STX8: variants seen among roughly 807,000 people sequenced by gnomAD.
STX8 encodes syntaxin-8.
A neutral mutation model predicts 37.5 loss-of-function variants in STX8; 23 were observed. The ratio of observed to expected loss-of-function variants is 0.61; its 90% CI spans 0.44 to 0.87. STX8 has a LOEUF of 0.87. Ranked by LOEUF, STX8 falls within the 40% of genes least tolerant of loss-of-function variation. STX8 has a pLI of 0.00. For synonymous variants in STX8, 115 were observed against 99.1 expected (o/e 1.16, Z -0.95); for missense variants, 313 against 284.7 (o/e 1.10, Z -0.71).
intron 7 of STX8, among the ~76,000 whole-genome samples, chr17:9,343,499 T>C (rs1035560817): frequency 6.6e-6 from 1 of 152,220 alleles, no homozygotes; most frequent in African/African-American, 2.4e-5. Flanking sequence ...ATGTGAAAGA[T>C]GCCAAAATAA....
chr17:9,522,653 A>T (rs536233342), intron 4 of STX8, among the ~76,000 whole-genome samples: 42 of 151,890 alleles, frequency 2.8e-4, no homozygotes, highest in Middle Eastern at 6.8e-3. Flanking sequence ...CGGAGCTTGC[A>T]GTGAGCCGAG....
chr17:9,400,795 G>A (rs1309065030), intron 6 of STX8, among the ~76,000 whole-genome samples: 1 of 152,208 alleles, frequency 6.6e-6, no homozygotes. Flanking sequence ...TTGCTCTGTT[G>A]TATCTTGTTG....
intron 6 of STX8, among the ~76,000 whole-genome samples, chr17:9,466,855 G>A (rs1438438974): frequency 2.6e-5 from 4 of 152,086 alleles, no homozygotes; most frequent in African/African-American, 4.8e-5. Context: ...CTTACTGAGC[G>A]TTTACTATAC....
At chr17:9,410,085 G>A (rs150323395) in intron 6 of STX8, among the ~76,000 whole-genome samples, 3 of 152,312 alleles carry the variant, frequency 2.0e-5, no homozygotes, top group African/African-American at 4.8e-5. Flanking sequence ...AGACAAATGC[G>A]ATGGCTGTAC....
At chr17:9,285,518 G>A (rs549160904) in intron 7 of STX8, among the ~76,000 whole-genome samples, 19 of 152,186 alleles carry the variant, frequency 1.2e-4, no homozygotes, top group Admixed American at 1.0e-3. Context: ...TGACCTAGAT[G>A]GGCCTTTTCT....
intron 7 of STX8, among the ~76,000 whole-genome samples, chr17:9,269,509 C>G (rs1274533270): frequency 2.0e-5 from 3 of 152,170 alleles, no homozygotes; most frequent in Admixed American, 6.5e-5. Flanking sequence ...ATGTCTGCTG[C>G]TAGTGCAAAT....
At chr17:9,325,456 C>A (rs1909722471) in intron 7 of STX8, among the ~76,000 whole-genome samples, 2 of 152,106 alleles carry the variant, frequency 1.3e-5, no homozygotes, top group South Asian at 4.1e-4. Context: ...AAAGCTAGGG[C>A]CAGCTTTATG....
At position 9,336,538 on chromosome 17, in the gene STX8, C is replaced by T. The variant is rs545588568; in HGVS notation, c.643+42014G>A. Among the ~76,000 whole-genome samples, 335 of 152,128 alleles carry T rather than the reference C, an allele frequency of 2.2e-3. 1 individual carries two copies. The highest frequency in any genetic ancestry group is 7.6e-3 in the African/African-American group (314 of 41,528). On this transcript the variant is annotated intron_variant, in intron 7 of 7. Coordinates refer to ENST00000306357, the MANE Select transcript of STX8 (RefSeq NM_004853.3). ...GCAACCTCCGCTTCCCAGGTTAAAG[C>T]AATTCTCCTGCCTCAGCCTCCCGAG...
intron 3 of STX8, among the ~76,000 whole-genome samples, chr17:9,546,590 G>GGTT (rs1906528045): frequency 3.2e-5 from 2 of 62,244 alleles, no homozygotes; most frequent in Admixed American, 4.8e-4. Flanking sequence ...CTACAAAAGT[G>GGTT]GTTTTTTTTT....
intron 6 of STX8, chr17:9,469,314 T>C (rs1905746501): frequency 6.6e-6 from 1 of 152,026 alleles, no homozygotes; most frequent in African/African-American, 2.4e-5. Flanking sequence ...CAAATCTAAG[T>C]CTAAGTTCAT....
chr17:9,518,868 CAA>C (rs58589067), intron 4 of STX8, among the ~76,000 whole-genome samples: 18 of 99,912 alleles, frequency 1.8e-4, no homozygotes, highest in Admixed American at 4.4e-4. Flanking sequence ...GACTCCGTCT[CAA>C]AAAAAAAAAA....
At chr17:9,290,691 A>T (rs914412644) in intron 7 of STX8, among the ~76,000 whole-genome samples, 6 of 152,218 alleles carry the variant, frequency 3.9e-5, no homozygotes, top group Admixed American at 1.3e-4. Context: ...AACCCAGTTC[A>T]TAAATAGTTC....
chr17:9,535,862 A>G (rs1387386908), intron 4 of STX8, among the ~76,000 whole-genome samples: 1 of 152,238 alleles, frequency 6.6e-6, no homozygotes, highest in Non-Finnish European at 1.5e-5. Context: ...TAGTTAAATG[A>G]CAGTAAATGC....
At chr17:9,372,122 T>TG (rs1911421899) in intron 7 of STX8, among the ~76,000 whole-genome samples, 1 of 152,216 alleles carries the variant, frequency 6.6e-6, no homozygotes, top group African/African-American at 2.4e-5. Flanking sequence ...ATTCATGGTA[T>TG]GATGTTTCCC....
chr17:9,396,142 C>T (rs964767344), intron 6 of STX8, among the ~76,000 whole-genome samples: 1 of 152,136 alleles, frequency 6.6e-6, no homozygotes, highest in Non-Finnish European at 1.5e-5. Context: ...TTTTAGAAGA[C>T]TGGAATCCTG....
intron 7 of STX8, among the ~76,000 whole-genome samples, chr17:9,294,561 G>A (rs1006485551): frequency 2.0e-5 from 3 of 152,198 alleles, no homozygotes; most frequent in African/African-American, 4.8e-5. Flanking sequence ...ATCAGGAATC[G>A]CTCCTTAGAG....
At chr17:9,486,996 T>C (rs1212980653) in intron 6 of STX8, among the ~76,000 whole-genome samples, 1 of 152,160 alleles carries the variant, frequency 6.6e-6, no homozygotes, top group Non-Finnish European at 1.5e-5. Flanking sequence ...GTGTTCCACT[T>C]GCCAACGCCC....
chr17:9,282,010 C>G (rs1195017859), intron 7 of STX8, among the ~76,000 whole-genome samples: 1 of 152,236 alleles, frequency 6.6e-6, no homozygotes. Context: ...CTTCTCCCCA[C>G]TCTCCTGTTG....
chr17:9,457,779 T>C (rs1237382367), intron 6 of STX8, among the ~76,000 whole-genome samples: 1 of 152,248 alleles, frequency 6.6e-6, no homozygotes, highest in Non-Finnish European at 1.5e-5. Context: ...CACCTCTTTC[T>C]GGTCTCTTTC....
Sources: gnomAD v4.1 joint callset for allele counts (sites outside exome capture counted in the v4.1 genomes callset) on GRCh38, gnomAD v4.1.1 for gene constraint, MANE v1.5 for transcripts, NCBI Gene and HGNC (gene_info 2026-07-23, HGNC 2026-07-21) for gene names.